The following ETS1 variants were observed in gnomAD, a reference collection of about 807,000 sequenced individuals.
ETS1 encodes protein C-ets-1.
A neutral mutation model predicts 58.6 loss-of-function variants in ETS1; 15 were observed. The ratio of observed to expected loss-of-function variants is 0.26; its 90% CI spans 0.17 to 0.39. The LOEUF (loss-of-function observed/expected upper bound fraction) is 0.39, where lower values mean the gene tolerates loss of function less well. Among genes scored for constraint, ETS1 ranks in the 10% least tolerant of loss-of-function variants. The pLI, the probability that ETS1 is intolerant of heterozygous loss-of-function variation, is 1.00. For synonymous variants in ETS1, 214 were observed against 218.2 expected, an observed-to-expected ratio of 0.98 and a Z score of 0.17; for missense variants, 417 against 610.5, an observed-to-expected ratio of 0.68 and a Z score of 3.34.
chr11:128,483,696 G>A (rs1181252517), intron 7 of ETS1, among the ~76,000 whole-genome samples: 1 of 152,194 alleles, frequency 6.6e-6, no homozygotes. Flanking sequence ...GAGGAAGTGT[G>A]AGTCTGAATA....
At chr11:128,473,436 T>C (rs1246263473) in intron 8 of ETS1, among the ~76,000 whole-genome samples, 1 of 152,226 alleles carries the variant, frequency 6.6e-6, no homozygotes, top group Non-Finnish European at 1.5e-5. Flanking sequence ...AACAAGCCTA[T>C]GGTATAGAAA....
chr11:128,481,229 G>T (rs1862476292), intron 7 of ETS1, among the ~76,000 whole-genome samples: 1 of 152,126 alleles, frequency 6.6e-6, no homozygotes. Context: ...TATTTAAAAG[G>T]TTTATTAAAG....
rs535049739 is a variant in ETS1, at chr11:128,480,345, A to G, written c.969T>C (p.Arg323=). The change falls in exon 8 of 10, where the codon CGT becomes CGC. Residue 323 remains arginine, a synonymous_variant. Transcript: ENST00000392668. The stretch of plus-strand genomic sequence containing the variant: ...AGTCGAAGCTGTCATAGGAGGGAAC[A>G]CGCTGCAGGCTGTTGAAAGATGACT... ...SSQSSFNSLQ[R]VPSYDSFDSE... 6.2e-7 allele frequency: 1 copy of G among 1,614,122 alleles called. No homozygotes were observed. Among genetic ancestry groups the G allele is most frequent in the East Asian group, 2.2e-5 (1 of 44,862 alleles).
In ETS1 at chr11:128,573,133, T is replaced by G; in HGVS notation, c.-3A>C. ...GCAGAATCCACAAAGTAGCTCATTC[T>G]GCTCTCAGCACCTGTGTGAGAGAAG... is the stretch of plus-strand genomic sequence containing the variant. On this transcript the variant is annotated 5_prime_UTR_variant, in exon 2 of 10. Transcript: ENST00000392668. 6.3e-7 allele frequency: 1 copy of G among 1,582,826 alleles called. No individual in the cohort carries two copies. The highest frequency in any genetic ancestry group is 8.6e-7 in the Non-Finnish European group (1 of 1,164,102).
intron 3 of ETS1, among the ~76,000 whole-genome samples, chr11:128,548,454 G>A (rs1864171983): frequency 1.3e-5 from 2 of 152,090 alleles, no homozygotes; most frequent in African/African-American, 4.8e-5. Flanking sequence ...GCTGGTGGGT[G>A]GCAGAGCTGA....
At chr11:128,512,366 G>A (rs1354647351) in intron 3 of ETS1, among the ~76,000 whole-genome samples, 2 of 152,304 alleles carry the variant, frequency 1.3e-5, no homozygotes, top group African/African-American at 2.4e-5. Context: ...ACTCTACACT[G>A]TCATCAATGA....
rs540488215 is a variant in ETS1, at chr11:128,470,210, T to C, written c.1124-6583A>G. 9.8e-5 allele frequency among the ~76,000 whole-genome samples: 15 copies of C among 152,344 alleles called. No homozygotes were observed. In the South Asian group the frequency reaches 2.5e-3, roughly 25 times the overall value. On this transcript the variant is annotated intron_variant, in intron 8 of 9. Transcript: ENST00000392668. ...GACTGCCGAGTTCATGTCTCTTGCA[T>C]GTTAGATCAAAAACGAAAGGAGGAG...
chr11:128,524,903 C>T (rs1167216833), intron 3 of ETS1, among the ~76,000 whole-genome samples: 2 of 152,124 alleles, frequency 1.3e-5, no homozygotes, highest in Non-Finnish European at 1.5e-5. Context: ...ATCCCCAGCA[C>T]TCACGTCCAC....
At chr11:128,578,098 T>G (rs929441566) in intron 1 of ETS1, among the ~76,000 whole-genome samples, 1 of 152,124 alleles carries the variant, frequency 6.6e-6, no homozygotes, top group African/African-American at 2.4e-5. Flanking sequence ...TCTAGAGAGT[T>G]CTATTCTTCA....
chr11:128,584,419 G>A (rs796186812), intron 1 of ETS1, among the ~76,000 whole-genome samples: 43 of 152,284 alleles, frequency 2.8e-4, no homozygotes, highest in African/African-American at 8.9e-4. Context: ...GAGTTAACAC[G>A]GTCATATGAC....
At chr11:128,522,102 C>T (rs2135519520) in intron 3 of ETS1, 1 of 1,312,796 alleles carries the variant, frequency 7.6e-7, no homozygotes, top group Non-Finnish European at 9.8e-7. Context: ...GGAAATCCGA[C>T]TTTCTTCCCA....
chr11:128,551,668 T>C (rs1031186477), intron 3 of ETS1, among the ~76,000 whole-genome samples: 2 of 152,194 alleles, frequency 1.3e-5, no homozygotes, highest in African/African-American at 4.8e-5. Flanking sequence ...CCCTTTTCCA[T>C]GTATTTTCTC....
intron 3 of ETS1, among the ~76,000 whole-genome samples, chr11:128,501,963 C>G (rs1260706425): frequency 6.6e-6 from 1 of 151,964 alleles, no homozygotes; most frequent in Non-Finnish European, 1.5e-5. Flanking sequence ...AATTCAGACC[C>G]CTGTACAGTG....
intron 1 of ETS1, among the ~76,000 whole-genome samples, chr11:128,585,307 G>GAA (rs1865008103): frequency 8.0e-6 from 1 of 125,636 alleles, no homozygotes; most frequent in African/African-American, 3.0e-5. Flanking sequence ...AGGGAGGGAA[G>GAA]GGAGGGAAGA....
At chr11:128,510,651 C>T (rs1863368198) in intron 3 of ETS1, among the ~76,000 whole-genome samples, 1 of 152,128 alleles carries the variant, frequency 6.6e-6, no homozygotes, top group Non-Finnish European at 1.5e-5. Flanking sequence ...GAAGTTAGTG[C>T]CCAGATTCAA....
At chr11:128,479,359 C>T (rs1412490510) in intron 8 of ETS1, among the ~76,000 whole-genome samples, 2 of 152,218 alleles carry the variant, frequency 1.3e-5, no homozygotes, top group East Asian at 1.9e-4. Context: ...ACTCACAACA[C>T]ACTTTCTAAT....
intron 3 of ETS1, among the ~76,000 whole-genome samples, chr11:128,500,945 A>G (rs1202233318): frequency 6.6e-6 from 1 of 152,234 alleles, no homozygotes; most frequent in Non-Finnish European, 1.5e-5. Flanking sequence ...AATTTCACTT[A>G]TAAGCCAAAA....
chr11:128,483,239 T>C (rs536252514), intron 7 of ETS1, among the ~76,000 whole-genome samples: 32 of 152,262 alleles, frequency 2.1e-4, no homozygotes, highest in African/African-American at 7.5e-4. Flanking sequence ...AGTCATTAGT[T>C]TGGGGTTGGA....
At chr11:128,511,453 T>C (rs919055668) in intron 3 of ETS1, among the ~76,000 whole-genome samples, 1 of 152,212 alleles carries the variant, frequency 6.6e-6, no homozygotes, top group African/African-American at 2.4e-5. Context: ...ACCAACAATT[T>C]TGCCAGTGCC....
Sources: allele counts gnomAD v4.1 joint callset (sites outside exome capture counted in the v4.1 genomes callset), GRCh38; gene constraint gnomAD v4.1.1; transcripts MANE v1.5; gene names NCBI Gene and HGNC (gene_info 2026-07-23, HGNC 2026-07-21).